GLRB: variants seen among roughly 807,000 people sequenced by gnomAD.
GLRB encodes the protein glycine receptor subunit beta.
GLRB carries 33 observed loss-of-function variants against 54.2 expected under a neutral mutation model. The ratio of observed to expected loss-of-function variants is 0.61; its 90% CI spans 0.46 to 0.81. GLRB has a LOEUF of 0.81. GLRB is among the 40% of genes least tolerant of loss of function. The pLI is 0.00. For synonymous variants in GLRB, 209 were observed against 208.2 expected (o/e 1.00, Z -0.03); for missense variants, 572 against 584.6 (o/e 0.98, Z 0.22).
intron 2 of GLRB, among the ~76,000 whole-genome samples, chr4:157,088,186 G>A (rs1734480409): frequency 6.6e-6 from 1 of 152,096 alleles, no homozygotes. Context: ...CTGCTCCTGG[G>A]CTGATTGCTG....
intron 2 of GLRB, among the ~76,000 whole-genome samples, chr4:157,084,086 C>T (rs1734321858): frequency 6.6e-6 from 1 of 151,922 alleles, no homozygotes; most frequent in African/African-American, 2.4e-5. Flanking sequence ...TATTGAATAA[C>T]AGTAATTAAA....
At chr4:157,147,064 G>A (rs557964147) in intron 8 of GLRB, among the ~76,000 whole-genome samples, 5 of 152,292 alleles carry the variant, frequency 3.3e-5, no homozygotes, top group African/African-American at 9.6e-5. Context: ...ACACGTTAAG[G>A]TTCCAATGTC....
At chr4:157,133,745 A>G (rs1560960756) in intron 4 of GLRB, among the ~76,000 whole-genome samples, 1 of 152,022 alleles carries the variant, frequency 6.6e-6, no homozygotes, top group African/African-American at 2.4e-5. Context: ...AAATGGGAAG[A>G]AAATGAAGGA....
intron 2 of GLRB, among the ~76,000 whole-genome samples, chr4:157,113,761 T>G (rs774653220): frequency 6.6e-6 from 1 of 151,938 alleles, no homozygotes; most frequent in African/African-American, 2.4e-5. Context: ...ATTATGACTC[T>G]TGGCCCATAA....
At chr4:157,093,118 T>C (rs1734678358) in intron 2 of GLRB, among the ~76,000 whole-genome samples, 1 of 152,116 alleles carries the variant, frequency 6.6e-6, no homozygotes, top group Admixed American at 6.5e-5. Context: ...TCAAGCAACA[T>C]ATTGGGTTTA....
intron 9 of GLRB, among the ~76,000 whole-genome samples, chr4:157,168,281 G>A (rs1010963574): frequency 6.6e-6 from 1 of 152,154 alleles, no homozygotes; most frequent in Non-Finnish European, 1.5e-5. Flanking sequence ...AAAGTGGAGT[G>A]AGGGGGTGCA....
chr4:157,147,013 G>A (rs2126590639), intron 8 of GLRB, among the ~76,000 whole-genome samples: 1 of 152,300 alleles, frequency 6.6e-6, no homozygotes, highest in South Asian at 2.1e-4. Flanking sequence ...AGTAAATACA[G>A]TGGCTTTGAG....
chr4:157,152,567 A>C, intron 8 of GLRB, 151 bp from the exon 9 acceptor site: 1 of 752,568 alleles, frequency 1.3e-6, no homozygotes, highest in South Asian at 1.4e-5. Flanking sequence ...TGTACCTATT[A>C]TTTATTCTAG....
At chr4:157,109,817 G>A (rs1218710593) in intron 2 of GLRB, among the ~76,000 whole-genome samples, 1 of 151,954 alleles carries the variant, frequency 6.6e-6, no homozygotes, top group Non-Finnish European at 1.5e-5. Context: ...TATTGTGAAG[G>A]AATTATACAA....
At position 157,170,834 on chromosome 4, in the gene GLRB, T is replaced by A; in HGVS notation, c.*106T>A. ...TTTGAATTTTCATAGCAACATTGCA[T>A]TTTGGATGCCATTTGATTGTAATAA... On this transcript the variant is annotated 3_prime_UTR_variant, in exon 10 of 10. Coordinates refer to ENST00000264428, the MANE Select transcript of GLRB (RefSeq NM_000824.5). 1 of 630,158 alleles carries A rather than the reference T, an allele frequency of 1.6e-6. No homozygotes were observed. The highest frequency in any genetic ancestry group is 2.8e-5 in the East Asian group (1 of 36,204). 39.0% of individuals were successfully genotyped at this position (630,158 alleles called of 1,614,324 possible). A position where few individuals can be genotyped will look rare whatever the true frequency, so the allele number is the denominator to read the frequency against.
Position 157,161,787 on chromosome 4 carries a change from G to A in GLRB, c.1198-8645G>A, listed in dbSNP as rs1560977428. 5.3e-5 allele frequency among the ~76,000 whole-genome samples: 8 copies of A among 152,086 alleles called. No homozygotes were observed. In the South Asian group the frequency reaches 1.7e-3, roughly 32 times the overall value. On this transcript the variant is annotated intron_variant, in intron 9 of 9. Transcript: ENST00000264428. The stretch of plus-strand genomic sequence containing the variant: ...CATTTTTTCCTTCATTTCAACTTTA[G>A]TGAATCTGACAATTATGTGTCTTGG...
At chr4:157,167,303 T>C (rs1376493965) in intron 9 of GLRB, among the ~76,000 whole-genome samples, 1 of 152,220 alleles carries the variant, frequency 6.6e-6, no homozygotes, top group Non-Finnish European at 1.5e-5. Context: ...GTTCTCCACT[T>C]CTATTCCAAT....
At chr4:157,145,402 C>A (rs1234763052) in intron 8 of GLRB, among the ~76,000 whole-genome samples, 2 of 152,012 alleles carry the variant, frequency 1.3e-5, no homozygotes, top group Admixed American at 1.3e-4. Flanking sequence ...ATAAAAATAC[C>A]CAAGAAGCTC....
chr4:157,147,301 T>C (rs1736849043), intron 8 of GLRB, among the ~76,000 whole-genome samples: 1 of 152,156 alleles, frequency 6.6e-6, no homozygotes, highest in Non-Finnish European at 1.5e-5. Context: ...ACAAAGTATT[T>C]CTAGGTCAAG....
intron 8 of GLRB, among the ~76,000 whole-genome samples, chr4:157,146,343 CAA>C (rs778782245): frequency 2.7e-4 from 41 of 151,070 alleles, no homozygotes; most frequent in Non-Finnish European, 5.5e-4. Context: ...GCATGAAATA[CAA>C]AGTCGCTAAA....
intron 2 of GLRB, among the ~76,000 whole-genome samples, chr4:157,101,958 A>G (rs1450934428): frequency 6.6e-6 from 1 of 152,206 alleles, no homozygotes; most frequent in Non-Finnish European, 1.5e-5. Context: ...GTCATGTGCC[A>G]GATTCTCCTT....
At chr4:157,121,722 G>GA (rs955471555) in intron 3 of GLRB, among the ~76,000 whole-genome samples, 331 of 150,722 alleles carry the variant, frequency 2.2e-3, no homozygotes, top group African/African-American at 7.7e-3. Flanking sequence ...ACAATGAGAT[G>GA]AAAAAAAATA....
chr4:157,108,145 A>G (rs1735290021), intron 2 of GLRB, among the ~76,000 whole-genome samples: 1 of 152,112 alleles, frequency 6.6e-6, no homozygotes. Context: ...GTCACCCAAG[A>G]GCTCTGACGG....
chr4:157,158,120 C>A (rs1465453343), intron 9 of GLRB, among the ~76,000 whole-genome samples: 4 of 152,030 alleles, frequency 2.6e-5, no homozygotes, highest in Non-Finnish European at 5.9e-5. Context: ...TGTCTGTTGG[C>A]TGCATAAATG....
Sources: gnomAD v4.1 joint callset for allele counts (sites outside exome capture counted in the v4.1 genomes callset) on GRCh38, gnomAD v4.1.1 for gene constraint, MANE v1.5 for transcripts, NCBI Gene and HGNC (gene_info 2026-07-23, HGNC 2026-07-21) for gene names.